The following LRRK1 variants were observed in gnomAD, a reference collection of about 807,000 sequenced individuals.
The protein encoded by LRRK1 is leucine rich repeat kinase 1, also known as leucine-rich repeat serine/threonine-protein kinase 1.
In LRRK1, 113 loss-of-function variants were observed where a neutral mutation model predicts 209.1. The observed-to-expected ratio is 0.54, with a 90% CI of 0.46 to 0.63. The LOEUF is 0.63. LRRK1 is among the 30% of genes least tolerant of loss of function. LRRK1 has a pLI of 0.00. For synonymous variants in LRRK1, 1,144 were observed against 1,099.7 expected (o/e 1.04, Z -0.80); for missense variants, 2,284 against 2,632.2 (o/e 0.87, Z 2.89).
chr15:101,042,681 G>A (rs916965032), intron 20 of LRRK1, among the ~76,000 whole-genome samples: 6 of 152,230 alleles, frequency 3.9e-5, no homozygotes, highest in Admixed American at 6.5e-5. Context: ...CCCATGGAAG[G>A]CAGGGGAGAG....
chr15:100,962,824 T>TATACATATATATA (rs1555461505), intron 2 of LRRK1, among the ~76,000 whole-genome samples: 2 of 8,444 alleles, frequency 2.4e-4, no homozygotes, highest in African/African-American at 3.4e-4. Context: ...TATATATATA[T>TATACATATATATA]TTTTTTTTTT....
chr15:100,947,517 T>A (rs1173732359), intron 2 of LRRK1, among the ~76,000 whole-genome samples: 4 of 152,298 alleles, frequency 2.6e-5, no homozygotes, highest in African/African-American at 9.6e-5. Context: ...TAACTCAATA[T>A]TGGAGTTAAT....
chr15:101,001,453 G>A (rs1320422272), intron 6 of LRRK1, among the ~76,000 whole-genome samples: 1 of 152,136 alleles, frequency 6.6e-6, no homozygotes, highest in Non-Finnish European at 1.5e-5. Context: ...CCAGGCCTTT[G>A]AGTGAGTCTC....
intron 20 of LRRK1, among the ~76,000 whole-genome samples, chr15:101,033,317 C>G (rs144306925): frequency 5.9e-5 from 9 of 152,178 alleles, no homozygotes; most frequent in African/African-American, 2.2e-4. Flanking sequence ...TTGAAATATA[C>G]CATATATTCT....
intron 2 of LRRK1, among the ~76,000 whole-genome samples, chr15:100,926,078 G>T (rs1220619414): frequency 6.6e-6 from 1 of 152,242 alleles, no homozygotes; most frequent in Non-Finnish European, 1.5e-5. Context: ...GATGTTTCTG[G>T]AAGGTGTCGT....
At chr15:100,938,917 C>A (rs1470165679) in intron 2 of LRRK1, among the ~76,000 whole-genome samples, 1 of 151,738 alleles carries the variant, frequency 6.6e-6, no homozygotes, top group African/African-American at 2.4e-5. Context: ...CATGGAGAAA[C>A]CCCATCTCTA....
At position 101,072,955 on chromosome 15, in the gene LRRK1, A is replaced by AG. The variant is rs58271058; in HGVS notation, c.*4117dup. 565 of 132,416 alleles carry AG rather than the reference A, an allele frequency of 4.3e-3. 2 individuals are homozygous for AG. The highest frequency in any genetic ancestry group is 0.011 in the African/African-American group (375 of 33,562). The allele number at this position is 132,416 out of a possible 1,614,324, so 8.2% of individuals were successfully genotyped here. The stretch of plus-strand genomic sequence containing the variant: ...TTGGTGCCGTAACTGGCGCGGGGGG[A>AG]GGGGGGGGGGAACCTCCCTTGGGAG... On this transcript the variant is annotated 3_prime_UTR_variant, in exon 34 of 34. Transcript: ENST00000388948.
Position 101,026,089 on chromosome 15 carries a change from C to G in LRRK1, c.2357C>G (p.Ser786Cys), listed in dbSNP as rs1252856565. 6.2e-7 allele frequency: 1 copy of G among 1,614,140 alleles called. No homozygotes were observed. Among genetic ancestry groups the G allele is most frequent in the Admixed American group, 1.7e-5 (1 of 60,016 alleles). The part of the protein sequence containing the change: ...AYVLALCRSP[S>C]GSRATGFPDI... ...GTGCTGGCACTCTGCCGCTCCCCCT[C>G]CGGCTCCAGGGCCACAGGCTTCCCA... The change falls in exon 17 of 34, where the codon TCC becomes TGC. Residue 786 changes from serine to cysteine, a missense_variant. Coordinates refer to ENST00000388948, the MANE Select transcript of LRRK1 (RefSeq NM_024652.6).
intron 2 of LRRK1, among the ~76,000 whole-genome samples, chr15:100,938,479 A>T (rs1445874447): frequency 6.6e-6 from 1 of 152,046 alleles, no homozygotes; most frequent in Non-Finnish European, 1.5e-5. Flanking sequence ...AACAGACCAC[A>T]AACTATTGTT....
At chr15:100,945,663 T>C (rs940371129) in intron 2 of LRRK1, among the ~76,000 whole-genome samples, 2 of 151,890 alleles carry the variant, frequency 1.3e-5, no homozygotes, top group African/African-American at 4.8e-5. Flanking sequence ...TGGCTAATTT[T>C]TGTATTTTTA....
intron 31 of LRRK1, chr15:101,064,606 C>G (rs1431283289): frequency 6.6e-6 from 1 of 151,180 alleles, no homozygotes; most frequent in African/African-American, 2.5e-5. Flanking sequence ...CCTGAGGACC[C>G]TGTCAACGTC....
chr15:100,973,991 G>T, intron 3 of LRRK1, 24 bp downstream of exon 3: 1 of 1,245,196 alleles, frequency 8.0e-7, no homozygotes, highest in South Asian at 3.8e-5. Context: ...TGCCCCTGCG[G>T]CCACCCATGC....
At chr15:101,015,434 A>G (rs1162684870) in intron 12 of LRRK1, 32 bp downstream of exon 12, 1 of 1,552,804 alleles carries the variant, frequency 6.4e-7, no homozygotes, top group Non-Finnish European at 8.9e-7. Flanking sequence ...GTGTTCCCAG[A>G]TGAGACAGCC....
intron 4 of LRRK1, among the ~76,000 whole-genome samples, chr15:100,984,590 G>C (rs183054992): frequency 6.6e-6 from 1 of 151,196 alleles, no homozygotes; most frequent in African/African-American, 2.4e-5. Context: ...GTCTGTAGCC[G>C]TTTCAAACTC....
Position 101,057,013 on chromosome 15 carries a change from C to A in LRRK1, c.4490C>A (p.Ala1497Glu). ...GAAGTGCAGTTCCGGCGACTGCAGG[C>A]GCTCATGATGGAGTGCTGGGACACT... ...PEEVQFRRLQ[A>E]LMMECWDTKP... Residue 1497 changes from alanine to glutamate, a missense_variant, in exon 28 of 34, where the codon GCG becomes GAG. This residue lies in a region of LRRK1 where 643 missense variants were observed against 695.9 expected (regional missense o/e 0.92). Coordinates refer to ENST00000388948, the MANE Select transcript of LRRK1 (RefSeq NM_024652.6). 1.2e-6 allele frequency: 2 copies of A among 1,613,324 alleles called. No individual in the cohort carries two copies. The highest frequency in any genetic ancestry group is 1.3e-5 in the African/African-American group (1 of 75,018).
At chr15:100,925,418 A>G (rs1031244358) in intron 2 of LRRK1, among the ~76,000 whole-genome samples, 1 of 152,222 alleles carries the variant, frequency 6.6e-6, no homozygotes, top group South Asian at 2.1e-4. Flanking sequence ...TGCTATGTGC[A>G]GTTATTGACC....
intron 2 of LRRK1, among the ~76,000 whole-genome samples, chr15:100,970,197 C>T (rs1345577883): frequency 6.6e-6 from 1 of 152,132 alleles, no homozygotes; most frequent in Non-Finnish European, 1.5e-5. Context: ...CCACCGCACC[C>T]AGCCACCACA....
chr15:101,022,007 C>A lies in LRRK1; in HGVS notation c.1852+50C>A, dbSNP rs763025457. On this transcript the variant is annotated intron_variant, in intron 14 of 33. Coordinates refer to ENST00000388948, the MANE Select transcript of LRRK1 (RefSeq NM_024652.6). The surrounding 1 kb of genome is among the most constrained non-coding windows in gnomAD (Gnocchi z 4.0). ...CTGCCATCACCTCTTGGAAAGACAA[C>A]TCCAGTCCACTTGTTAAGTTCTGGG... 1 of 1,293,950 alleles carries A rather than the reference C, an allele frequency of 7.7e-7. No homozygotes were observed. The highest frequency in any genetic ancestry group is 1.1e-6 in the Non-Finnish European group (1 of 902,046). The allele number at this position is 1,293,950 out of a possible 1,614,324, so 80.2% of individuals were successfully genotyped here.
At chr15:101,013,990 T>C (rs1432129365) in intron 10 of LRRK1, among the ~76,000 whole-genome samples, 1 of 152,118 alleles carries the variant, frequency 6.6e-6, no homozygotes, top group Non-Finnish European at 1.5e-5. Flanking sequence ...GTCTGGCACT[T>C]TCCCCAGAGA....
Sources: allele counts gnomAD v4.1 joint callset (sites outside exome capture counted in the v4.1 genomes callset), GRCh38; gene constraint gnomAD v4.1.1; regional missense constraint gnomAD v4.1.1; non-coding constraint Gnocchi (gnomAD v3.1); transcripts MANE v1.5; gene names NCBI Gene and HGNC (gene_info 2026-07-23, HGNC 2026-07-21).